The following TAB1 variants were observed in gnomAD, a reference collection of about 807,000 sequenced individuals.
TAB1 encodes the protein TGF-beta-activated kinase 1 and MAP3K7-binding protein 1.
In TAB1, 30 loss-of-function variants were observed where a neutral mutation model predicts 54.5. The observed-to-expected ratio is 0.55, with a 90% confidence interval of 0.41 to 0.75. TAB1 has a LOEUF of 0.75. Among genes scored for constraint, TAB1 ranks in the 30% least tolerant of loss-of-function variants. The probability of loss-of-function intolerance (pLI) is 0.00; values close to 1 mark genes in which losing one functional copy is unlikely to be tolerated. For missense variants in TAB1, 609 were observed against 683.2 expected (o/e 0.89, Z 1.21); for synonymous variants, 289 against 286.9 (o/e 1.01, Z -0.07).
intron 8 of TAB1, among the ~76,000 whole-genome samples, chr22:39,424,783 C>T (rs1012031260): frequency 6.6e-6 from 1 of 152,086 alleles, no homozygotes; most frequent in African/African-American, 2.4e-5. Context: ...TATAAGCTTA[C>T]CATTCCTTCC....
At chr22:39,416,698 A>G in intron 3 of TAB1, 93 bp from the exon 4 acceptor site, 1 of 1,222,392 alleles carries the variant, frequency 8.2e-7, no homozygotes, top group Non-Finnish European at 1.2e-6. Flanking sequence ...CAGTGAAGAC[A>G]GCAAAGCTGC....
At chr22:39,426,980 G>T (rs1004889005) in intron 9 of TAB1, 55 bp downstream of exon 9, 8 of 1,566,360 alleles carry the variant, frequency 5.1e-6, no homozygotes, top group Admixed American at 1.7e-5. Flanking sequence ...GGGGCCAGAG[G>T]TGGGTGCAGA....
chr22:39,411,454 AG>A (rs1253973769), intron 1 of TAB1, among the ~76,000 whole-genome samples: 1 of 152,236 alleles, frequency 6.6e-6, no homozygotes, highest in African/African-American at 2.4e-5. Context: ...TTCACCAAAG[AG>A]GATGAGTTGG....
At chr22:39,414,674 T>A (rs1926746110) in intron 1 of TAB1, 1 of 286,834 alleles carries the variant, frequency 3.5e-6, no homozygotes, top group Non-Finnish European at 6.7e-6. Context: ...AGAGGTGGGG[T>A]CCCCAGAGTT....
intron 1 of TAB1, among the ~76,000 whole-genome samples, chr22:39,404,281 T>G (rs1482671372): frequency 6.6e-6 from 1 of 152,148 alleles, no homozygotes; most frequent in Non-Finnish European, 1.5e-5. Flanking sequence ...TACTGTTACT[T>G]AATTATAAAA....
chr22:39,426,654 C>G (rs148041770), intron 8 of TAB1, 49 bp from the exon 9 acceptor site: 145 of 1,521,932 alleles, frequency 9.5e-5, no homozygotes, highest in Non-Finnish European at 1.0e-4. Context: ...CCCATGCCCC[C>G]CAGGCCGCAC....
chr22:39,429,992 C>T (rs1284382139), intron 10 of TAB1, 23 bp from the exon 11 acceptor site: 8 of 1,610,984 alleles, frequency 5.0e-6, no homozygotes, highest in African/African-American at 1.3e-5. Context: ...TTCTGATTGA[C>T]TCCCTCCCCT....
chr22:39,403,007 G>A (rs571286378), intron 1 of TAB1, among the ~76,000 whole-genome samples: 1 of 152,224 alleles, frequency 6.6e-6, no homozygotes, highest in Non-Finnish European at 1.5e-5. Context: ...GAGTATTGTT[G>A]GTGTTAAAGG....
chr22:39,433,764 G>T (rs1191381030), downstream of TAB1: 2 of 985,468 alleles, frequency 2.0e-6, no homozygotes, highest in Non-Finnish European at 2.4e-6. Flanking sequence ...ACTCCAGGCT[G>T]CTCAGACATC....
intron 8 of TAB1, among the ~76,000 whole-genome samples, chr22:39,424,880 A>G (rs5750818): frequency 0.73 from 111,052 of 151,938 alleles, 40,976 homozygotes; most frequent in East Asian, 1. Flanking sequence ...TCTTGCCAGA[A>G]GTGACGTTGC....
At position 39,415,286 on chromosome 22, in the gene TAB1, A is replaced by C. The variant is rs1223965493; in HGVS notation, c.170+144A>C. 4 of 1,173,146 alleles carry C rather than the reference A, an allele frequency of 3.4e-6. No homozygotes were observed. Among genetic ancestry groups the C allele is most frequent in the Non-Finnish European group, 4.7e-6 (4 of 843,664 alleles). The allele number at this position is 1,173,146 out of a possible 1,614,324, so 72.7% of individuals were successfully genotyped here. A position where few individuals can be genotyped will look rare whatever the true frequency, so the allele number is the denominator to read the frequency against. On this transcript the variant is annotated intron_variant, in intron 2 of 10. Coordinates refer to ENST00000216160, the MANE Select transcript of TAB1 (RefSeq NM_006116.3). The surrounding 1 kb of genome is among the most constrained non-coding windows in gnomAD (Gnocchi z 4.9). Reference sequence around the variant, plus strand: ...GGTGGCCTCTGCTGCTGTCTTGCCAAGGGCCTGCTCTGATGGGGTAGCGTG... The same window carrying C: ...GGTGGCCTCTGCTGCTGTCTTGCCACGGGCCTGCTCTGATGGGGTAGCGTG...
In TAB1 at chr22:39,428,016, C is replaced by T; in HGVS notation, c.1145-5C>T. 1 of 1,580,854 alleles carries T rather than the reference C, an allele frequency of 6.3e-7. No homozygotes were observed. The highest frequency in any genetic ancestry group is 8.6e-7 in the Non-Finnish European group (1 of 1,156,088). On this transcript the variant is annotated splice_polypyrimidine_tract_variant and splice_region_variant and intron_variant, in intron 9 of 10. Transcript: ENST00000216160. The stretch of plus-strand genomic sequence containing the variant: ...CCTGAGGCCCCCACTCTCTTCCTCC[C>T]AAAGCTGCAGGAGGACGAGTGTACC...
At chr22:39,429,891 A>C (rs1601701889) in intron 10 of TAB1, 124 bp from the exon 11 acceptor site, 1 of 1,526,996 alleles carries the variant, frequency 6.5e-7, no homozygotes, top group Non-Finnish European at 8.8e-7. Context: ...TCCTATGGTC[A>C]CCTCTGCCAG....
chr22:39,403,593 G>C (rs1361442319), intron 1 of TAB1, among the ~76,000 whole-genome samples: 1 of 151,864 alleles, frequency 6.6e-6, no homozygotes, highest in African/African-American at 2.4e-5. Context: ...GGAGCAGATT[G>C]AGTAGGGACC....
chr22:39,424,481 G>C (rs1359752863), intron 8 of TAB1, among the ~76,000 whole-genome samples: 1 of 114,330 alleles, frequency 8.7e-6, no homozygotes, highest in Non-Finnish European at 1.6e-5. Flanking sequence ...GTCTTGCTCT[G>C]TTGGCCAAGC....
At chr22:39,436,807 C>G (rs1052416902), downstream of TAB1, 2 of 551,830 alleles carry the variant, frequency 3.6e-6, no homozygotes, top group Non-Finnish European at 6.5e-6. Flanking sequence ...GACTTATCCC[C>G]CAAGGCTGTC....
downstream of TAB1, among the ~76,000 whole-genome samples, chr22:39,435,344 A>G (rs751506451): frequency 1.3e-5 from 2 of 151,788 alleles, no homozygotes; most frequent in African/African-American, 2.4e-5. Context: ...TTCACAGGAA[A>G]CCCCAGCAGG....
Position 39,431,354 on chromosome 22 carries a change from A to T in TAB1, c.*1132A>T. 2.0e-6 allele frequency: 2 copies of T among 985,464 alleles called. No homozygotes were observed. The highest frequency in any genetic ancestry group is 2.4e-6 in the Non-Finnish European group (2 of 829,982). 61.0% of individuals were successfully genotyped at this position (985,464 alleles called of 1,614,324 possible). A position where few individuals can be genotyped will look rare whatever the true frequency, so the allele number is the denominator to read the frequency against. ...CCTGTTTCAGAGGAAGCAGGCCGAG[A>T]GACTTGCACCTTGGCCAAGCCACAC... On this transcript the variant is annotated 3_prime_UTR_variant, in exon 11 of 11. Coordinates refer to ENST00000216160, the MANE Select transcript of TAB1 (RefSeq NM_006116.3).
At position 39,426,914 on chromosome 22, in the gene TAB1, G is replaced by A; in HGVS notation, c.1133G>A (p.Ser378Asn). 6.2e-7 allele frequency: 1 copy of A among 1,611,518 alleles called. No homozygotes were observed. The change falls in exon 9 of 11, where the codon AGC becomes AAC. Residue 378 changes from serine (S) to asparagine (N), a missense_variant. Physicochemically the swap from Ser to Asn is conservative, Grantham distance 46. Transcript: ENST00000216160. Reference sequence around the variant, plus strand: ...GGCGAAATGAGCCAGCCCACACCGAGCCCAGCCCCAGGTACGTGTGCTGTG... The same window carrying A: ...GGCGAAATGAGCCAGCCCACACCGAACCCAGCCCCAGGTACGTGTGCTGTG... Reference protein sequence around the residue: ...PLGEMSQPTPSPAPAAGGRVY... With the variant: ...PLGEMSQPTPNPAPAAGGRVY...
Sources: gnomAD v4.1 joint callset for allele counts (sites outside exome capture counted in the v4.1 genomes callset) on GRCh38, gnomAD v4.1.1 for gene constraint, Gnocchi (gnomAD v3.1) non-coding constraint, MANE v1.5 for transcripts, NCBI Gene and HGNC (gene_info 2026-07-23, HGNC 2026-07-21) for gene names.